The following AZIN2 variants were observed in gnomAD, a reference collection of about 807,000 sequenced individuals.
The protein encoded by AZIN2 is ODC antizyme inhibitor-2.
A neutral mutation model predicts 47.8 loss-of-function variants in AZIN2; 28 were observed. That is an observed-to-expected ratio of 0.59 (90% CI 0.43 to 0.80). AZIN2 has a LOEUF of 0.80. AZIN2 is among the 30% of genes least tolerant of loss of function. The pLI is 0.00. For synonymous variants in AZIN2, 221 were observed against 239.4 expected (o/e 0.92, Z 0.71); for missense variants, 535 against 582.5 (o/e 0.92, Z 0.84).
chr1:33,134,564 G>A, the AZIN2 span, among the ~76,000 whole-genome samples: 36 of 152,292 alleles, frequency 2.4e-4, 1 homozygote, highest in African/African-American at 8.4e-4. Flanking sequence ...GAGACACAAG[G>A]GGACCCATGG....
intron 10 of AZIN2, among the ~76,000 whole-genome samples, chr1:33,116,452 G>C (rs1644545202): frequency 6.6e-6 from 1 of 151,926 alleles, no homozygotes; most frequent in Non-Finnish European, 1.5e-5. Context: ...ATGCCCTTTG[G>C]ATGGCTTCCA....
At chr1:33,159,923 T>C in the AZIN2 span, 8 of 1,605,842 alleles carry the variant, frequency 5.0e-6, no homozygotes, top group African/African-American at 1.3e-5. The surrounding 1 kb of genome is among the most constrained non-coding windows in gnomAD (Gnocchi z 4.2). Context: ...CCGATAGTGG[T>C]CCGCAGGCTC....
At chr1:33,118,581 G>T in intron 11 of AZIN2, 1 of 160,012 alleles carries the variant, frequency 6.2e-6, no homozygotes. Context: ...GCAGTGGGAG[G>T]CATGGACCAG....
the AZIN2 span, among the ~76,000 whole-genome samples, chr1:33,149,108 C>A: frequency 6.6e-6 from 1 of 152,196 alleles, no homozygotes. Context: ...GGTCACCCAG[C>A]AGATGTGCTC....
At chr1:33,159,728 G>T in the AZIN2 span, 1 of 1,611,946 alleles carries the variant, frequency 6.2e-7, no homozygotes, top group Non-Finnish European at 8.5e-7. This position sits in a 1 kb window ranked among gnomAD's most constrained non-coding sequence, Gnocchi z 4.2. Context: ...AAGGTGTGCC[G>T]GTCGGTTTCA....
At position 33,120,331 on chromosome 1, in the gene AZIN2, G is replaced by T; in HGVS notation, c.*149G>T. 1 of 1,073,168 alleles carries T rather than the reference G, an allele frequency of 9.3e-7. No individual in the cohort carries two copies. Among genetic ancestry groups the T allele is most frequent in the Non-Finnish European group, 1.3e-6 (1 of 756,650 alleles). The allele number at this position is 1,073,168 out of a possible 1,614,324, so 66.5% of individuals were successfully genotyped here. On this transcript the variant is annotated 3_prime_UTR_variant, in exon 12 of 12. Transcript: ENST00000294517. ...GCTCCACCTGCAGTGTTTCTGCCCTGTAAATAGGACCAGTCTTACACTCGC... is the reference window on the plus strand; with the variant it reads ...GCTCCACCTGCAGTGTTTCTGCCCTTTAAATAGGACCAGTCTTACACTCGC...
chr1:33,116,059 A>G (rs1172306134), intron 10 of AZIN2, among the ~76,000 whole-genome samples: 3 of 152,224 alleles, frequency 2.0e-5, no homozygotes, highest in African/African-American at 4.8e-5. Context: ...AGTTATATGA[A>G]CAAGGATATA....
chr1:33,114,652 C>CTTTT lies in AZIN2; in HGVS notation c.1030-3232_1030-3229dup, dbSNP rs35317929. Among the ~76,000 whole-genome samples, 167 of 79,882 alleles carry CTTTT rather than the reference C, an allele frequency of 2.1e-3. 11 individuals are homozygous for CTTTT. Among genetic ancestry groups the CTTTT allele is most frequent in the African/African-American group, 8.5e-3 (145 of 17,124 alleles). 52.4% of individuals were successfully genotyped at this position (79,882 alleles called of 152,430 possible). On this transcript the variant is annotated intron_variant, in intron 10 of 11. Coordinates refer to ENST00000294517, the MANE Select transcript of AZIN2 (RefSeq NM_052998.4). ...ACAGGCATGAGCCACCGCGACCCGC[C>CTTTT]TTTTTTTTTTTTTTTTTTTTTGAGA... is the stretch of plus-strand genomic sequence containing the variant.
At chr1:33,101,168 C>A (rs899256574) in intron 10 of AZIN2, among the ~76,000 whole-genome samples, 1 of 152,008 alleles carries the variant, frequency 6.6e-6, no homozygotes, top group African/African-American at 2.4e-5. Context: ...GGCACCATGT[C>A]TCTCTCTTAA....
downstream of AZIN2, among the ~76,000 whole-genome samples, chr1:33,127,710 C>G (rs2124688363): frequency 6.6e-6 from 1 of 152,352 alleles, no homozygotes. Flanking sequence ...ATGTCCTTCT[C>G]AACCATCAAT....
chr1:33,112,404 T>C (rs143803146), intron 10 of AZIN2, among the ~76,000 whole-genome samples: 3,281 of 152,274 alleles, frequency 0.022, 131 homozygotes, highest in African/African-American at 0.074. Context: ...GTGTATTCTG[T>C]ACAGTGAATT....
At chr1:33,149,012 C>T in the AZIN2 span, among the ~76,000 whole-genome samples, 1 of 152,208 alleles carries the variant, frequency 6.6e-6, no homozygotes, top group Non-Finnish European at 1.5e-5. Flanking sequence ...TCTGCTTACA[C>T]GGTTCCCTCC....
chr1:33,140,214 G>A, the AZIN2 span, among the ~76,000 whole-genome samples: 2 of 152,202 alleles, frequency 1.3e-5, no homozygotes, highest in Non-Finnish European at 2.9e-5. This position sits in a 1 kb window ranked among gnomAD's most constrained non-coding sequence, Gnocchi z 4.0. Context: ...GGATGCTTAC[G>A]GTGGCGATGA....
chr1:33,144,662 T>C, the AZIN2 span, among the ~76,000 whole-genome samples: 2 of 152,356 alleles, frequency 1.3e-5, no homozygotes, highest in African/African-American at 4.8e-5. Flanking sequence ...TAGTCGACAG[T>C]CTTTTCCACT....
the AZIN2 span, among the ~76,000 whole-genome samples, chr1:33,141,261 G>A: frequency 6.6e-6 from 1 of 151,812 alleles, no homozygotes; most frequent in African/African-American, 2.4e-5. Context: ...CTTCTCCTCT[G>A]AGCACCTCCC....
chr1:33,128,734 C>G, the AZIN2 span, among the ~76,000 whole-genome samples: 11 of 152,210 alleles, frequency 7.2e-5, no homozygotes, highest in Admixed American at 5.2e-4. Context: ...TATAACTTGT[C>G]TCTCAGACCA....
Position 33,096,876 on chromosome 1 carries a change from G to T in AZIN2, c.916+7G>T. On this transcript the variant is annotated splice_region_variant and intron_variant, in intron 9 of 11. Coordinates refer to ENST00000294517, the MANE Select transcript of AZIN2 (RefSeq NM_052998.4). ...GACCAGCCTGGCAGGGAGGGTAGGT[G>T]CCAGGTGGGCAGTGGAGCCCTGTTC... 1 of 1,614,086 alleles carries T rather than the reference G, an allele frequency of 6.2e-7. No homozygotes were observed. Among genetic ancestry groups the T allele is most frequent in the Non-Finnish European group, 8.5e-7 (1 of 1,179,992 alleles).
At chr1:33,151,199 G>A in the AZIN2 span, among the ~76,000 whole-genome samples, 2 of 152,134 alleles carry the variant, frequency 1.3e-5, no homozygotes, top group East Asian at 3.8e-4. Context: ...AGGAAATCCT[G>A]ACCCAGTGAA....
intron 10 of AZIN2, among the ~76,000 whole-genome samples, chr1:33,116,500 T>C (rs971001354): frequency 6.6e-6 from 1 of 152,190 alleles, no homozygotes; most frequent in Non-Finnish European, 1.5e-5. Flanking sequence ...TTCTTTCTCT[T>C]TCTCATCACT....
Sources: gnomAD v4.1 joint callset for allele counts (sites outside exome capture counted in the v4.1 genomes callset) on GRCh38, gnomAD v4.1.1 for gene constraint, Gnocchi (gnomAD v3.1) non-coding constraint, MANE v1.5 for transcripts, NCBI Gene and HGNC (gene_info 2026-07-23, HGNC 2026-07-21) for gene names.